NRG1: variants seen among roughly 807,000 people sequenced by gnomAD.
NRG1 encodes neuregulin 1.
NRG1 carries 18 observed loss-of-function variants against 63.8 expected under a neutral mutation model. That is an observed-to-expected ratio of 0.28 (90% CI 0.19 to 0.42). NRG1 has a LOEUF of 0.42. NRG1 is among the 10% of genes least tolerant of loss of function. NRG1 has a pLI of 1.00. For synonymous variants in NRG1, 302 were observed against 301.3 expected (o/e 1.00, Z -0.02); for missense variants, 762 against 814.7 (o/e 0.94, Z 0.79).
intron 1 of NRG1, among the ~76,000 whole-genome samples, chr8:32,405,009 A>G (rs961817967): frequency 2.6e-5 from 4 of 152,192 alleles, no homozygotes; most frequent in East Asian, 1.9e-4. Context: ...TGTACCGCCA[A>G]TCACTAAAAG....
At chr8:32,691,602 T>C (rs1180922171) in intron 5 of NRG1, among the ~76,000 whole-genome samples, 1 of 152,194 alleles carries the variant, frequency 6.6e-6, no homozygotes, top group Non-Finnish European at 1.5e-5. Flanking sequence ...GATAAAGATA[T>C]TTATTGTGAC....
chr8:31,822,617 T>A (rs1263650019), intron 1 of NRG1, among the ~76,000 whole-genome samples: 1 of 152,200 alleles, frequency 6.6e-6, no homozygotes, highest in Non-Finnish European at 1.5e-5. Flanking sequence ...AATAGGTTGA[T>A]ATTTAGCCTA....
chr8:31,697,323 A>T (rs1004492655), intron 1 of NRG1, among the ~76,000 whole-genome samples: 3 of 152,198 alleles, frequency 2.0e-5, no homozygotes, highest in African/African-American at 7.2e-5. Flanking sequence ...CAAAGAAAAC[A>T]TCTGTTATAG....
At chr8:32,118,449 T>C (rs188822745) in intron 1 of NRG1, among the ~76,000 whole-genome samples, 2 of 152,196 alleles carry the variant, frequency 1.3e-5, no homozygotes, top group Non-Finnish European at 2.9e-5. Flanking sequence ...CCTGAGGCCC[T>C]CACAGATGCA....
intron 1 of NRG1, among the ~76,000 whole-genome samples, chr8:31,934,085 G>A (rs1041552971): frequency 2.0e-5 from 3 of 152,066 alleles, no homozygotes; most frequent in Non-Finnish European, 4.4e-5. Flanking sequence ...TAAATCATGT[G>A]CATATGTGTG....
chr8:31,651,495 A>G (rs900396432), intron 1 of NRG1, among the ~76,000 whole-genome samples: 1 of 152,238 alleles, frequency 6.6e-6, no homozygotes, highest in African/African-American at 2.4e-5. Context: ...TGAGGTCAGC[A>G]CAGAGAGTGT....
chr8:31,938,094 G>T (rs1247914303), intron 1 of NRG1, among the ~76,000 whole-genome samples: 1 of 152,116 alleles, frequency 6.6e-6, no homozygotes, highest in African/African-American at 2.4e-5. Context: ...CCTCCTGGCT[G>T]GAGGCTAAAC....
At chr8:32,579,632 C>T (rs1840297236) in intron 1 of NRG1, among the ~76,000 whole-genome samples, 1 of 152,076 alleles carries the variant, frequency 6.6e-6, no homozygotes, top group South Asian at 2.1e-4. Flanking sequence ...TTTTTATGTA[C>T]TAAGGTCCTG....
At chr8:32,204,585 T>C (rs1843826379) in intron 1 of NRG1, among the ~76,000 whole-genome samples, 1 of 152,166 alleles carries the variant, frequency 6.6e-6, no homozygotes, top group Non-Finnish European at 1.5e-5. Flanking sequence ...ATCTATATAG[T>C]GAATTATGAG....
intron 1 of NRG1, among the ~76,000 whole-genome samples, chr8:31,729,925 C>A (rs1373149736): frequency 6.6e-6 from 1 of 152,132 alleles, no homozygotes; most frequent in Non-Finnish European, 1.5e-5. Flanking sequence ...GAGCCCAATT[C>A]TTTCTCTAAG....
rs766540013 is a variant in NRG1, at chr8:31,833,865, CAGA to C, written c.37+194437_37+194439del. Reference sequence around the variant, plus strand: ...ATTGGGAAACAAGCTCAAATTTTAACAGAAGTTTTTCTTTGCTTCAAGGGAACG... The same window carrying C: ...ATTGGGAAACAAGCTCAAATTTTAACAGTTTTTCTTTGCTTCAAGGGAACG... On this transcript the variant is annotated intron_variant, in intron 1 of 10. Coordinates refer to the NRG1 transcript ENST00000519301. Among the ~76,000 whole-genome samples the C allele has an allele frequency of 5.9e-5, 9 of 152,202 alleles. No individual in the cohort carries two copies. In the East Asian group the frequency reaches 9.7e-4, roughly 16 times the overall value.
chr8:32,123,060 G>A (rs1833673022), intron 1 of NRG1, among the ~76,000 whole-genome samples: 1 of 151,950 alleles, frequency 6.6e-6, no homozygotes, highest in African/African-American at 2.4e-5. Flanking sequence ...CCACAATGCT[G>A]TTTATGGTAT....
intron 1 of NRG1, among the ~76,000 whole-genome samples, chr8:31,943,172 T>C (rs953216175): frequency 6.6e-6 from 1 of 152,082 alleles, no homozygotes; most frequent in Non-Finnish European, 1.5e-5. Flanking sequence ...AATATTTATA[T>C]GTACACACAC....
intron 1 of NRG1, among the ~76,000 whole-genome samples, chr8:31,828,320 C>T (rs1054369654): frequency 1.3e-5 from 2 of 152,146 alleles, no homozygotes; most frequent in African/African-American, 4.8e-5. Context: ...ACTCTTTTGT[C>T]ACCTGCTTCA....
intron 1 of NRG1, among the ~76,000 whole-genome samples, chr8:32,315,841 G>A (rs1024903106): frequency 1.3e-5 from 2 of 151,130 alleles, no homozygotes; most frequent in African/African-American, 2.5e-5. Context: ...AAACACATAC[G>A]AAACAATTAA....
chr8:32,109,617 G>A (rs17619929), intron 1 of NRG1, among the ~76,000 whole-genome samples: 2,152 of 152,116 alleles, frequency 0.014, 28 homozygotes, highest in Non-Finnish European at 0.022. Flanking sequence ...ACACAAGTGA[G>A]GCATTACATC....
intron 1 of NRG1, among the ~76,000 whole-genome samples, chr8:31,723,980 T>A (rs4469409): frequency 2.0e-5 from 3 of 152,042 alleles, no homozygotes; most frequent in African/African-American, 7.2e-5. Context: ...TCATTCTTCC[T>A]GGATTTTAGT....
intron 1 of NRG1, among the ~76,000 whole-genome samples, chr8:31,934,513 C>G (rs148203035): frequency 0.014 from 2,113 of 146,952 alleles, 36 homozygotes; most frequent in South Asian, 0.085. Context: ...GCAACCTCTA[C>G]CTCCCGGGTT....
At chr8:32,029,216 T>C (rs910671866) in intron 1 of NRG1, among the ~76,000 whole-genome samples, 1 of 152,232 alleles carries the variant, frequency 6.6e-6, no homozygotes, top group Non-Finnish European at 1.5e-5. Flanking sequence ...GGGGATCAAA[T>C]ATGATTTAAA....
Sources: gnomAD v4.1 joint callset for allele counts (sites outside exome capture counted in the v4.1 genomes callset) on GRCh38, gnomAD v4.1.1 for gene constraint, MANE v1.5 for transcripts, NCBI Gene and HGNC (gene_info 2026-07-23, HGNC 2026-07-21) for gene names.